FBXL13: variants seen among roughly 807,000 people sequenced by gnomAD.
The protein encoded by FBXL13 is F-box and leucine-rich repeat protein 13.
FBXL13 carries 67 observed loss-of-function variants against 83.6 expected under a neutral mutation model. That is an observed-to-expected ratio of 0.80 (90% confidence interval 0.66 to 0.98). The LOEUF is 0.98. Ranked by LOEUF, FBXL13 falls within the 50% of genes least tolerant of loss-of-function variation. The pLI is 0.00. For synonymous variants in FBXL13, 272 were observed against 299.5 expected (o/e 0.91, Z 0.95); for missense variants, 822 against 866.5 (o/e 0.95, Z 0.64).
intron 16 of FBXL13, among the ~76,000 whole-genome samples, chr7:102,862,723 G>C (rs1203777022): frequency 6.6e-6 from 1 of 152,110 alleles, no homozygotes; most frequent in African/African-American, 2.4e-5. Flanking sequence ...CATATTACTT[G>C]ACCCAGCTTT....
At chr7:103,068,467 A>G (rs1458167333) in intron 1 of FBXL13, among the ~76,000 whole-genome samples, 1 of 152,234 alleles carries the variant, frequency 6.6e-6, no homozygotes, top group African/African-American at 2.4e-5. Flanking sequence ...GAAAGTCACC[A>G]TGGTCCAATG....
rs969890975 is a variant in FBXL13 at position 102,831,428 on chromosome 7, C to CAT, written c.1854+1411_1854+1412insAT. Among the ~76,000 whole-genome samples the CAT allele has an allele frequency of 1.3e-4, 20 of 151,718 alleles. 1 individual carries two copies. Among genetic ancestry groups the CAT allele is most frequent in the Admixed American group, 7.2e-4 (11 of 15,220 alleles). ...ACACACACACACACACACACACACA[C>CAT]ACACCCCACTACAGAGAGTTATCTT... On this transcript the variant is annotated intron_variant, in intron 18 of 19. Transcript: ENST00000313221.
At chr7:103,049,820 T>C (rs1426417154) in intron 2 of FBXL13, among the ~76,000 whole-genome samples, 1 of 152,204 alleles carries the variant, frequency 6.6e-6, no homozygotes, top group Non-Finnish European at 1.5e-5. Flanking sequence ...TTACCCAAGG[T>C]AACCTCACAG....
At chr7:102,897,587 C>T (rs1432538605) in intron 11 of FBXL13, among the ~76,000 whole-genome samples, 2 of 152,176 alleles carry the variant, frequency 1.3e-5, no homozygotes, top group East Asian at 3.8e-4. Context: ...ATAATTAAAT[C>T]TGCTCTTGGT....
chr7:103,024,135 AAGAGAGAGAGAGAGAG>A (rs59206823), intron 6 of FBXL13, among the ~76,000 whole-genome samples: 25,495 of 96,850 alleles, frequency 0.26, 2,901 homozygotes, highest in East Asian at 0.42. Flanking sequence ...AAAAGTTAAA[AAGAGAGAGAGAGAGAG>A]AGAGAGAGAG....
At chr7:102,911,061 TA>T (rs1814581689) in intron 11 of FBXL13, among the ~76,000 whole-genome samples, 1 of 152,206 alleles carries the variant, frequency 6.6e-6, no homozygotes, top group Non-Finnish European at 1.5e-5. Context: ...GCGCCCAGCC[TA>T]AAAGCATACA....
rs558763803 is a variant in FBXL13, at chr7:103,043,057, T to C, written c.-1+12587A>G. On this transcript the variant is annotated intron_variant, in intron 2 of 19. Transcript: ENST00000313221. ...CAACCTGTAGAATGGGAGAGAATCT[T>C]TGCAATCTACTCATCTGACAAAGGG... 5.9e-5 allele frequency among the ~76,000 whole-genome samples: 9 copies of C among 152,294 alleles called. 1 individual carries two copies. The South Asian group carries it at 1.9e-3, about 32-fold the overall frequency.
At chr7:102,862,328 CAAAAAAA>C (rs111697845) in intron 16 of FBXL13, among the ~76,000 whole-genome samples, 4 of 96,828 alleles carry the variant, frequency 4.1e-5, no homozygotes, top group Non-Finnish European at 4.8e-5. Flanking sequence ...GAATCTGTCT[CAAAAAAA>C]AAAAAAAAAA....
chr7:102,949,240 A>G lies in FBXL13; in HGVS notation c.724+14293T>C, dbSNP rs180853619. ...GGGTTGGTAGTGGGGCAGGAGAGACAATGGAAAAGCTAAAACATCTCTGAG... is the reference window on the plus strand; with the variant it reads ...GGGTTGGTAGTGGGGCAGGAGAGACGATGGAAAAGCTAAAACATCTCTGAG... On this transcript the variant is annotated intron_variant, in intron 8 of 19. Transcript: ENST00000313221. Among the ~76,000 whole-genome samples, 441 of 152,316 alleles carry G rather than the reference A, an allele frequency of 2.9e-3. 2 individuals carry two copies. The highest frequency in any genetic ancestry group is 3.6e-3 in the Non-Finnish European group (248 of 68,026).
chr7:102,977,286 G>C (rs1233753074), intron 6 of FBXL13, among the ~76,000 whole-genome samples: 2 of 152,148 alleles, frequency 1.3e-5, no homozygotes, highest in Admixed American at 6.5e-5. Context: ...GGAAATGCTC[G>C]CACAACGACA....
chr7:102,852,340 T>C (rs1318382745), intron 17 of FBXL13, among the ~76,000 whole-genome samples: 1 of 152,082 alleles, frequency 6.6e-6, no homozygotes, highest in Non-Finnish European at 1.5e-5. Flanking sequence ...CAATTTGTAC[T>C]TAATTAAACT....
chr7:102,908,996 C>T (rs888963951), intron 11 of FBXL13, among the ~76,000 whole-genome samples: 4 of 152,340 alleles, frequency 2.6e-5, no homozygotes, highest in East Asian at 3.9e-4. Context: ...GGTGAGGTCC[C>T]CCAGACCCCA....
At chr7:102,869,960 TAG>T (rs1436693319) in intron 16 of FBXL13, among the ~76,000 whole-genome samples, 4 of 152,220 alleles carry the variant, frequency 2.6e-5, no homozygotes, top group African/African-American at 7.2e-5. Context: ...AAGAGATGAT[TAG>T]ACTCTATCAA....
chr7:103,016,647 G>A lies in FBXL13; in HGVS notation c.495+8416C>T, dbSNP rs190498001. On this transcript the variant is annotated intron_variant, in intron 6 of 19. Transcript: ENST00000313221. ...CACCCTAATACTGTGCTTTTCCAAC[G>A]GTCTTAGTAAATGGCACACCAGGAG... Among the ~76,000 whole-genome samples the A allele has an allele frequency of 7.4e-3, 1,127 of 152,214 alleles. 10 individuals carry two copies. The highest frequency in any genetic ancestry group is 0.026 in the African/African-American group (1,062 of 41,526).
At chr7:102,841,369 TTTAG>T (rs1191244715) in intron 17 of FBXL13, among the ~76,000 whole-genome samples, 1 of 152,170 alleles carries the variant, frequency 6.6e-6, no homozygotes, top group African/African-American at 2.4e-5. Flanking sequence ...CACATTCTCT[TTTAG>T]TTCTGTTCTG....
chr7:102,825,396 G>A (rs941880971), intron 18 of FBXL13, among the ~76,000 whole-genome samples: 4 of 152,174 alleles, frequency 2.6e-5, no homozygotes, highest in Non-Finnish European at 5.9e-5. Context: ...CTTGCCATGC[G>A]ATTCCCTGCG....
intron 2 of FBXL13, among the ~76,000 whole-genome samples, chr7:103,041,354 C>G (rs1795671696): frequency 6.6e-6 from 1 of 152,084 alleles, no homozygotes; most frequent in African/African-American, 2.4e-5. Flanking sequence ...AAAAAAAGAC[C>G]AGGACCAGAC....
At chr7:103,003,299 T>G (rs1410548787) in intron 6 of FBXL13, among the ~76,000 whole-genome samples, 16 of 135,404 alleles carry the variant, frequency 1.2e-4, no homozygotes, top group African/African-American at 3.8e-4. Context: ...TTTTTTTTTT[T>G]TTTTTTGAGA....
At chr7:102,903,205 TTC>T (rs1454681819) in intron 11 of FBXL13, among the ~76,000 whole-genome samples, 1 of 152,140 alleles carries the variant, frequency 6.6e-6, no homozygotes, top group South Asian at 2.1e-4. Flanking sequence ...ACATTTTTAT[TTC>T]TTTTTCATAT....
Sources: allele counts gnomAD v4.1 joint callset (sites outside exome capture counted in the v4.1 genomes callset), GRCh38; gene constraint gnomAD v4.1.1; transcripts MANE v1.5; gene names NCBI Gene and HGNC (gene_info 2026-07-23, HGNC 2026-07-21).